The following TTC39B variants were observed in gnomAD, a reference collection of about 807,000 sequenced individuals.
TTC39B encodes the protein tetratricopeptide repeat domain 39B, also known as tetratricopeptide repeat protein 39B.
Under a neutral mutation model 96.6 loss-of-function variants are expected in TTC39B, and 92 were observed. That is an observed-to-expected ratio of 0.95 (90% CI 0.80 to 1.13). The LOEUF (loss-of-function observed/expected upper bound fraction) is 1.13, where lower values mean the gene tolerates loss of function less well. Ranked by LOEUF, TTC39B falls within the 50% of genes most tolerant of loss-of-function variation. The pLI is 0.00. For synonymous variants in TTC39B, 367 were observed against 299.4 expected (o/e 1.23, Z -2.33); for missense variants, 955 against 809.3 (o/e 1.18, Z -2.18).
At chr9:15,296,974 A>C (rs1163594819) in intron 1 of TTC39B, among the ~76,000 whole-genome samples, 4 of 152,210 alleles carry the variant, frequency 2.6e-5, no homozygotes, top group African/African-American at 9.6e-5. Flanking sequence ...GTGACAGAGC[A>C]AGACCCTGTC....
At chr9:15,264,334 C>A (rs1823044919) in intron 2 of TTC39B, among the ~76,000 whole-genome samples, 1 of 152,058 alleles carries the variant, frequency 6.6e-6, no homozygotes, top group Admixed American at 6.6e-5. Flanking sequence ...TTAGATTTTT[C>A]TTCCTTGCCA....
chr9:15,222,115 C>T (rs1215181764), intron 3 of TTC39B, among the ~76,000 whole-genome samples: 1 of 152,166 alleles, frequency 6.6e-6, no homozygotes, highest in Non-Finnish European at 1.5e-5. Context: ...TCAAGGGTTT[C>T]TTTTGTCGTA....
chr9:15,255,483 CA>C (rs1822719094), intron 2 of TTC39B, among the ~76,000 whole-genome samples: 1 of 151,580 alleles, frequency 6.6e-6, no homozygotes, highest in African/African-American at 2.4e-5. Context: ...TGGCGCATTT[CA>C]AAAGACAAAG....
At chr9:15,215,347 C>A (rs1253223980) in intron 3 of TTC39B, among the ~76,000 whole-genome samples, 2 of 151,976 alleles carry the variant, frequency 1.3e-5, no homozygotes, top group Non-Finnish European at 2.9e-5. Flanking sequence ...CACTTGAGGT[C>A]AGGAGTGAGA....
At chr9:15,297,802 C>T (rs1422874947) in intron 1 of TTC39B, among the ~76,000 whole-genome samples, 1 of 151,818 alleles carries the variant, frequency 6.6e-6, no homozygotes. Context: ...CTCACTGAAA[C>T]CCGCAGATGC....
At chr9:15,272,858 T>C (rs1823406594) in intron 1 of TTC39B, among the ~76,000 whole-genome samples, 1 of 152,122 alleles carries the variant, frequency 6.6e-6, no homozygotes, top group Non-Finnish European at 1.5e-5. Flanking sequence ...AAAAATGGGC[T>C]CACCTGTTAG....
chr9:15,242,489 G>A (rs377028867), intron 2 of TTC39B, among the ~76,000 whole-genome samples: 2 of 152,082 alleles, frequency 1.3e-5, no homozygotes, highest in African/African-American at 4.8e-5. Flanking sequence ...CGGCTGAAGC[G>A]GGAGGATCGC....
chr9:15,234,570 G>A (rs1256177304), intron 2 of TTC39B, among the ~76,000 whole-genome samples: 1 of 152,120 alleles, frequency 6.6e-6, no homozygotes, highest in South Asian at 2.1e-4. Context: ...TGACAATGGC[G>A]GTTTTGCGGA....
chr9:15,171,444 A>G (rs1817655353), exon 20 of TTC39B: 1 of 152,178 alleles, frequency 6.6e-6, no homozygotes, highest in Non-Finnish European at 1.5e-5. Flanking sequence ...CACTAACTGA[A>G]TACTGCATCA....
chr9:15,177,866 GATC>G, intron 17 of TTC39B, 52 bp from the exon 18 acceptor site: 1 of 681,124 alleles, frequency 1.5e-6, no homozygotes, highest in Non-Finnish European at 2.3e-6. Flanking sequence ...TACTTTTTAA[GATC>G]TTTTTTTTTT....
At chr9:15,252,540 T>G (rs1240066316) in intron 2 of TTC39B, among the ~76,000 whole-genome samples, 1 of 151,782 alleles carries the variant, frequency 6.6e-6, no homozygotes, top group African/African-American at 2.4e-5. Context: ...CCCAGCTACT[T>G]GGGAGGCTGA....
intron 2 of TTC39B, among the ~76,000 whole-genome samples, chr9:15,229,531 G>A (rs1336863512): frequency 2.6e-5 from 4 of 152,166 alleles, no homozygotes; most frequent in African/African-American, 9.7e-5. Context: ...CCAGTGTTGT[G>A]CATAACAAAC....
chr9:15,267,750 C>A (rs1044949917), intron 2 of TTC39B, among the ~76,000 whole-genome samples, 164 bp downstream of exon 2: 5 of 152,072 alleles, frequency 3.3e-5, no homozygotes, highest in African/African-American at 4.8e-5. Flanking sequence ...TAGATCCTTT[C>A]TTAAATATAA....
At position 15,269,364 on chromosome 9, in the gene TTC39B, T is replaced by TAATG. The variant is rs201644871; in HGVS notation, c.241-1420_241-1417dup. Among the ~76,000 whole-genome samples the TAATG allele has an allele frequency of 4.7e-3, 719 of 152,226 alleles. 7 individuals carry two copies. The highest frequency in any genetic ancestry group is 0.033 in the East Asian group (172 of 5,172). On this transcript the variant is annotated intron_variant, in intron 1 of 19. Coordinates refer to ENST00000512701, the Ensembl canonical transcript of TTC39B. ...GTTTGCTCAATAAATACTTGTTGCC[T>TAATG]AATGAATGAATGAATGAATGAATGG...
At chr9:15,207,786 C>CT (rs1395354498) in intron 6 of TTC39B, among the ~76,000 whole-genome samples, 1 of 149,944 alleles carries the variant, frequency 6.7e-6, no homozygotes, top group Non-Finnish European at 1.5e-5. Context: ...GAGATTGAGA[C>CT]ATCCTGGCTA....
At chr9:15,192,563 C>G in intron 9 of TTC39B, 27 bp downstream of exon 9, 4 of 1,572,310 alleles carry the variant, frequency 2.5e-6, no homozygotes, top group Non-Finnish European at 1.7e-6. Flanking sequence ...TACAAAAGTT[C>G]TGGTTTCTAT....
exon 20 of TTC39B, chr9:15,164,155 C>G (rs533074604): frequency 6.6e-6 from 1 of 152,286 alleles, no homozygotes; most frequent in African/African-American, 2.4e-5. Flanking sequence ...ATATAGAACT[C>G]ACACATATTC....
intron 15 of TTC39B, chr9:15,185,613 G>C: frequency 1.7e-6 from 1 of 573,140 alleles, no homozygotes; most frequent in Non-Finnish European, 2.9e-6. Flanking sequence ...TCTAGATTTT[G>C]ATAAGCCCTC....
exon 20 of TTC39B, chr9:15,167,626 C>A (rs1366549884): frequency 6.6e-6 from 1 of 152,258 alleles, no homozygotes; most frequent in East Asian, 1.9e-4. Context: ...GTGGCACATG[C>A]CTGTAATCCC....
Sources: allele counts gnomAD v4.1 joint callset (sites outside exome capture counted in the v4.1 genomes callset), GRCh38; gene constraint gnomAD v4.1.1; transcripts MANE v1.5; gene names NCBI Gene and HGNC (gene_info 2026-07-23, HGNC 2026-07-21).